The following APBB2 variants were observed in gnomAD, a reference collection of about 807,000 sequenced individuals.
APBB2 encodes the protein amyloid beta precursor protein binding family B member 2.
Under a neutral mutation model 82.5 loss-of-function variants are expected in APBB2, and 38 were observed. That is an observed-to-expected ratio of 0.46 (90% CI 0.36 to 0.60). The LOEUF is 0.60. APBB2 is among the 20% of genes least tolerant of loss of function. The pLI is 0.00. For missense variants in APBB2, 772 were observed against 972.3 expected (o/e 0.79, Z 2.74); for synonymous variants, 341 against 368.2 (o/e 0.93, Z 0.85).
intron 12 of APBB2, among the ~76,000 whole-genome samples, chr4:40,888,658 G>C (rs969805247): frequency 1.4e-5 from 2 of 142,914 alleles, no homozygotes; most frequent in African/African-American, 5.3e-5. Flanking sequence ...CCTCGCACAC[G>C]TATGTAATGT....
At chr4:41,089,593 T>C (rs1010465153) in intron 3 of APBB2, among the ~76,000 whole-genome samples, 1 of 152,172 alleles carries the variant, frequency 6.6e-6, no homozygotes, top group African/African-American at 2.4e-5. Flanking sequence ...AAAAATTCTA[T>C]TAATAAGCTA....
chr4:41,147,871 A>G (rs750992584), intron 1 of APBB2, among the ~76,000 whole-genome samples: 35 of 152,176 alleles, frequency 2.3e-4, no homozygotes, highest in Non-Finnish European at 4.3e-4. Flanking sequence ...ACAAGGCAAG[A>G]AGGAACACAC....
At chr4:41,094,433 C>A in intron 3 of APBB2, among the ~76,000 whole-genome samples, 1 of 152,176 alleles carries the variant, frequency 6.6e-6, no homozygotes, top group East Asian at 1.9e-4. Context: ...GTCCAAACAC[C>A]AAACTAACAT....
chr4:40,935,755 G>C (rs1785231051), intron 7 of APBB2: 1 of 151,890 alleles, frequency 6.6e-6, no homozygotes, highest in Non-Finnish European at 1.5e-5. Flanking sequence ...ATTCATAAAA[G>C]CTCTACTTTT....
chr4:40,854,661 C>T (rs985393295), intron 12 of APBB2, among the ~76,000 whole-genome samples: 3 of 151,900 alleles, frequency 2.0e-5, no homozygotes, highest in East Asian at 3.9e-4. Context: ...TGGTGGCGGG[C>T]GCCTGTAATC....
At chr4:40,925,970 T>C (rs1248974149) in intron 10 of APBB2, among the ~76,000 whole-genome samples, 2 of 152,074 alleles carry the variant, frequency 1.3e-5, no homozygotes, top group Non-Finnish European at 2.9e-5. Flanking sequence ...TTCCTCTTCC[T>C]CTCCATCTGA....
chr4:40,919,635 C>T (rs962134652), intron 10 of APBB2, among the ~76,000 whole-genome samples: 1 of 152,194 alleles, frequency 6.6e-6, no homozygotes, highest in East Asian at 1.9e-4. Context: ...CTCTAGGTGA[C>T]TCTGTCCACA....
chr4:40,968,500 T>C (rs1215937953), intron 6 of APBB2, among the ~76,000 whole-genome samples: 1 of 152,154 alleles, frequency 6.6e-6, no homozygotes, highest in Non-Finnish European at 1.5e-5. Context: ...CAATTCTTGT[T>C]CCTCTTCCTG....
At chr4:41,137,589 C>A (rs1757933287) in intron 2 of APBB2, among the ~76,000 whole-genome samples, 1 of 152,090 alleles carries the variant, frequency 6.6e-6, no homozygotes, top group Admixed American at 6.5e-5. Context: ...ATCTTAAGTC[C>A]AATTCTTGAA....
At chr4:41,207,325 T>C (rs1040234163) in intron 1 of APBB2, among the ~76,000 whole-genome samples, 1 of 151,970 alleles carries the variant, frequency 6.6e-6, no homozygotes, top group African/African-American at 2.4e-5. Context: ...CAAATCATTC[T>C]GAAGCTTCCT....
At chr4:41,055,394 A>G (rs1489679868) in intron 4 of APBB2, among the ~76,000 whole-genome samples, 1 of 152,004 alleles carries the variant, frequency 6.6e-6, no homozygotes, top group Non-Finnish European at 1.5e-5. Flanking sequence ...GACCTCATCT[A>G]CCTTTTCACT....
In APBB2 at chr4:40,895,128, G is replaced by A. The variant is rs79919781; in HGVS notation, c.1255-1717C>T. On this transcript the variant is annotated intron_variant, in intron 10 of 17. Coordinates refer to ENST00000508593, the MANE Select transcript of APBB2 (RefSeq NM_004307.2). The stretch of plus-strand genomic sequence containing the variant: ...GGCCACCTTCCCTCTTCCAGTCACC[G>A]TGCACAGACTGGGCACCTCGTTCCT... Among the ~76,000 whole-genome samples the A allele has an allele frequency of 5.8e-3, 886 of 152,272 alleles. 12 individuals are homozygous for A. Among genetic ancestry groups the A allele is most frequent in the African/African-American group, 0.02 (838 of 41,548 alleles).
At chr4:40,999,722 G>A (rs1282797627) in intron 6 of APBB2, among the ~76,000 whole-genome samples, 2 of 151,908 alleles carry the variant, frequency 1.3e-5, no homozygotes, top group Admixed American at 6.6e-5. Context: ...AGATCCCAAG[G>A]GCATACTCCT....
chr4:40,859,615 C>A (rs6856203), intron 12 of APBB2, among the ~76,000 whole-genome samples: 58,719 of 152,032 alleles, frequency 0.39, 11,592 homozygotes, highest in African/African-American at 0.46. Context: ...AATGCGAGTC[C>A]CTTCAAAAAC....
chr4:40,816,512 A>G (rs1185222665), intron 17 of APBB2, among the ~76,000 whole-genome samples: 1 of 152,156 alleles, frequency 6.6e-6, no homozygotes, highest in Non-Finnish European at 1.5e-5. Context: ...TGTCCTCTAT[A>G]TTGATAGTCC....
At chr4:41,070,473 C>T (rs1346325865) in intron 3 of APBB2, among the ~76,000 whole-genome samples, 2 of 151,996 alleles carry the variant, frequency 1.3e-5, no homozygotes, top group African/African-American at 4.8e-5. Flanking sequence ...CCACACCCGA[C>T]TAATTTTTAG....
At chr4:40,954,877 C>T (rs918297469) in intron 6 of APBB2, among the ~76,000 whole-genome samples, 2 of 152,164 alleles carry the variant, frequency 1.3e-5, no homozygotes, top group Non-Finnish European at 2.9e-5. Flanking sequence ...GTTGGCCAGG[C>T]TGGCCTTGGG....
intron 4 of APBB2, among the ~76,000 whole-genome samples, chr4:41,041,791 T>C (rs1721600317): frequency 1.3e-5 from 2 of 152,212 alleles, no homozygotes; most frequent in East Asian, 1.9e-4. Flanking sequence ...AAGAAAAATA[T>C]GCACAGACAG....
chr4:40,993,784 A>T (rs1341337994), intron 6 of APBB2, among the ~76,000 whole-genome samples: 4 of 152,160 alleles, frequency 2.6e-5, no homozygotes, highest in African/African-American at 7.2e-5. Flanking sequence ...ATTCTTGTTA[A>T]ATGTTAGCCA....
Sources: gnomAD v4.1 joint callset for allele counts (sites outside exome capture counted in the v4.1 genomes callset) on GRCh38, gnomAD v4.1.1 for gene constraint, MANE v1.5 for transcripts, NCBI Gene and HGNC (gene_info 2026-07-23, HGNC 2026-07-21) for gene names.